ATP8A2: variants seen among roughly 807,000 people sequenced by gnomAD.
The protein encoded by ATP8A2 is ATPase phospholipid transporting 8A2.
A neutral mutation model predicts 165.6 loss-of-function variants in ATP8A2; 100 were observed. The observed-to-expected ratio is 0.60, with a 90% CI of 0.51 to 0.71. The LOEUF is 0.71. Among genes scored for constraint, ATP8A2 ranks in the 30% least tolerant of loss-of-function variants. The pLI is 0.00. For synonymous variants in ATP8A2, 543 were observed against 548.8 expected (o/e 0.99, Z 0.15); for missense variants, 1,227 against 1,479.5 (o/e 0.83, Z 2.80).
intron 33 of ATP8A2, among the ~76,000 whole-genome samples, chr13:25,898,978 C>T (rs1009933115): frequency 4.1e-4 from 62 of 152,196 alleles, no homozygotes; most frequent in African/African-American, 1.2e-3. Context: ...TTGCGCTTCC[C>T]GGGTGAGGTT....
At chr13:25,962,067 A>G (rs1348581843) in intron 34 of ATP8A2, among the ~76,000 whole-genome samples, 1 of 152,110 alleles carries the variant, frequency 6.6e-6, no homozygotes, top group East Asian at 1.9e-4. Context: ...TACAGACACA[A>G]AGGAGCCCTG....
chr13:25,809,903 G>A (rs540658827), intron 27 of ATP8A2, among the ~76,000 whole-genome samples: 1 of 152,146 alleles, frequency 6.6e-6, no homozygotes, highest in East Asian at 1.9e-4. Flanking sequence ...AAAACCCTGG[G>A]GCATCGGAGA....
intron 25 of ATP8A2, among the ~76,000 whole-genome samples, chr13:25,753,058 C>T (rs999944273): frequency 6.6e-6 from 1 of 152,152 alleles, no homozygotes; most frequent in Non-Finnish European, 1.5e-5. Flanking sequence ...TGCCCTCCCT[C>T]GGTCTCCTTC....
chr13:25,424,235 T>A (rs879318367), intron 1 of ATP8A2, among the ~76,000 whole-genome samples: 1 of 152,224 alleles, frequency 6.6e-6, no homozygotes, highest in Admixed American at 6.5e-5. Context: ...GTTATAAATA[T>A]GTGTTGACCG....
intron 2 of ATP8A2, among the ~76,000 whole-genome samples, chr13:25,524,928 T>TTCCTTCCA (rs2037793336): frequency 6.7e-6 from 1 of 150,354 alleles, no homozygotes; most frequent in African/African-American, 2.5e-5. Context: ...CCTTCCTTCC[T>TTCCTTCCA]TCCTTCCTTC....
At chr13:25,955,460 T>C (rs9507608) in intron 33 of ATP8A2, among the ~76,000 whole-genome samples, 35,443 of 152,070 alleles carry the variant, frequency 0.23, 4,294 homozygotes, top group South Asian at 0.42. Context: ...ACTGATCCCA[T>C]AGAAATACAA....
chr13:25,959,921 T>G (rs949280902), intron 33 of ATP8A2, among the ~76,000 whole-genome samples: 1 of 152,252 alleles, frequency 6.6e-6, no homozygotes, highest in African/African-American at 2.4e-5. Context: ...CACACATTTT[T>G]AAGGGTTGTA....
intron 27 of ATP8A2, among the ~76,000 whole-genome samples, chr13:25,805,135 T>C (rs1321066211): frequency 2.0e-5 from 3 of 151,988 alleles, no homozygotes; most frequent in Non-Finnish European, 2.9e-5. Context: ...AATTCAGACT[T>C]TGCTTTAGAA....
At chr13:25,959,710 C>T (rs954908559) in intron 33 of ATP8A2, among the ~76,000 whole-genome samples, 4 of 152,194 alleles carry the variant, frequency 2.6e-5, no homozygotes, top group Admixed American at 1.3e-4. Context: ...TATAATTCTA[C>T]ATTACTTTAA....
In ATP8A2 at chr13:25,769,199, C is replaced by A. The variant is rs749460011; in HGVS notation, c.2538C>A (p.Ala846=). ...VGISGNEGMQ[A]TNNSDYAIAQ... ...TCAGTGGGAATGAAGGCATGCAGGC[C>A]ACCAACAACTCGGATTACGCCATCG... Residue 846 remains alanine (A), a synonymous_variant, in exon 26 of 37, where the codon GCC becomes GCA. Transcript: ENST00000381655. The A allele has an allele frequency of 1.9e-6, 3 of 1,613,384 alleles. No homozygotes were observed. The highest frequency in any genetic ancestry group is 2.5e-6 in the Non-Finnish European group (3 of 1,179,358).
At chr13:26,019,650 G>T (rs1957053230) in intron 36 of ATP8A2, among the ~76,000 whole-genome samples, 1 of 152,128 alleles carries the variant, frequency 6.6e-6, no homozygotes, top group African/African-American at 2.4e-5. Flanking sequence ...ACCCTCAGAG[G>T]CTTTCCCTTC....
chr13:25,675,379 C>T (rs888008869), intron 24 of ATP8A2, among the ~76,000 whole-genome samples: 4 of 152,092 alleles, frequency 2.6e-5, no homozygotes, highest in East Asian at 1.9e-4. Flanking sequence ...ACATTTACGC[C>T]GTCAAAATCA....
Position 25,481,329 on chromosome 13 carries a change from G to A in ATP8A2, c.221+12208G>A, listed in dbSNP as rs191795880. On this transcript the variant is annotated intron_variant, in intron 2 of 36. Transcript: ENST00000381655. ...TTTCCCAGTTTCTCTTGTAACTAGC[G>A]ACTGTGTGGCCAACTTCAGGCCAGT... Among the ~76,000 whole-genome samples the A allele has an allele frequency of 1.5e-3, 230 of 152,268 alleles. 1 individual carries two copies. The highest frequency in any genetic ancestry group is 2.3e-3 in the Non-Finnish European group (159 of 68,026).
At chr13:25,691,344 GTCAGT>G (rs1412271821) in intron 24 of ATP8A2, among the ~76,000 whole-genome samples, 1 of 152,222 alleles carries the variant, frequency 6.6e-6, no homozygotes, top group African/African-American at 2.4e-5. Flanking sequence ...TTTATTGTAT[GTCAGT>G]TAATAAAGCT....
chr13:25,901,850 C>T (rs1184079621), intron 33 of ATP8A2, among the ~76,000 whole-genome samples: 1 of 152,220 alleles, frequency 6.6e-6, no homozygotes, highest in Non-Finnish European at 1.5e-5. Flanking sequence ...CTCATTCTGA[C>T]AACAGATCCT....
intron 25 of ATP8A2, among the ~76,000 whole-genome samples, chr13:25,738,427 G>A (rs2043834145): frequency 6.9e-6 from 1 of 145,874 alleles, no homozygotes; most frequent in African/African-American, 2.5e-5. Context: ...GTTACATCCT[G>A]TCTTCTCATT....
intron 6 of ATP8A2, chr13:25,534,192 AC>A: frequency 1.9e-6 from 1 of 532,904 alleles, no homozygotes. Flanking sequence ...AGAATTCGCC[AC>A]CCTTTAAAGA....
intron 2 of ATP8A2, among the ~76,000 whole-genome samples, chr13:25,506,760 G>T (rs1226191773): frequency 6.6e-6 from 1 of 151,792 alleles, no homozygotes; most frequent in East Asian, 1.9e-4. Context: ...TGGCCTGAAG[G>T]TTATTTTATA....
chr13:25,470,941 G>A (rs1420123116), intron 2 of ATP8A2, among the ~76,000 whole-genome samples: 8 of 152,128 alleles, frequency 5.3e-5, no homozygotes, highest in African/African-American at 1.9e-4. Flanking sequence ...GTAAATTAGT[G>A]GTTCCTGGGG....
Sources: gnomAD v4.1 joint callset for allele counts (sites outside exome capture counted in the v4.1 genomes callset) on GRCh38, gnomAD v4.1.1 for gene constraint, MANE v1.5 for transcripts, NCBI Gene and HGNC (gene_info 2026-07-23, HGNC 2026-07-21) for gene names.